CNTNAP4: variants seen among roughly 807,000 people sequenced by gnomAD.
The protein encoded by CNTNAP4 is contactin-associated protein-like 4.
A neutral mutation model predicts 148.4 loss-of-function variants in CNTNAP4; 98 were observed. The ratio of observed to expected loss-of-function variants is 0.66; its 90% CI spans 0.56 to 0.78. CNTNAP4 has a LOEUF of 0.78. Among genes scored for constraint, CNTNAP4 ranks in the 30% least tolerant of loss-of-function variants. The probability of loss-of-function intolerance (pLI) is 0.00; values close to 1 mark genes in which losing one functional copy is unlikely to be tolerated. For missense variants in CNTNAP4, 1,935 were observed against 1,565.6 expected (o/e 1.24, Z -3.98); for synonymous variants, 730 against 565.1 (o/e 1.29, Z -4.14).
chr16:76,413,074 C>A (rs182275130), intron 3 of CNTNAP4, among the ~76,000 whole-genome samples: 367 of 151,458 alleles, frequency 2.4e-3, no homozygotes, highest in African/African-American at 8.4e-3. Flanking sequence ...ATGGGGTTAT[C>A]CATTCCCTCA....
intron 1 of CNTNAP4, among the ~76,000 whole-genome samples, chr16:76,307,468 G>C (rs1335264971): frequency 7.2e-6 from 1 of 138,852 alleles, no homozygotes; most frequent in Admixed American, 7.7e-5. Flanking sequence ...ATTAACTTTT[G>C]ATCCTCTAAT....
chr16:76,397,978 A>T (rs866170086), intron 3 of CNTNAP4, among the ~76,000 whole-genome samples: 1 of 77,196 alleles, frequency 1.3e-5, no homozygotes, highest in African/African-American at 6.6e-5. Context: ...ATATATATAT[A>T]TATATATATA....
At chr16:76,522,780 C>CTTTTCTTTT (rs1184582301) in intron 17 of CNTNAP4, among the ~76,000 whole-genome samples, 3 of 95,848 alleles carry the variant, frequency 3.1e-5, no homozygotes, top group Non-Finnish European at 7.1e-5. Flanking sequence ...TCTTTTCTTT[C>CTTTTCTTTT]TTGACAGAGT....
intron 1 of CNTNAP4, among the ~76,000 whole-genome samples, chr16:76,294,531 A>G (rs1255039178): frequency 6.6e-6 from 1 of 152,202 alleles, no homozygotes; most frequent in Non-Finnish European, 1.5e-5. Flanking sequence ...ATTGACACTG[A>G]TGATTCAGTG....
At chr16:76,489,996 A>G (rs2082156393) in intron 13 of CNTNAP4, 113 bp downstream of exon 13, 5 of 531,512 alleles carry the variant, frequency 9.4e-6, no homozygotes, top group South Asian at 4.9e-5. Context: ...CTGAGGGTAT[A>G]TGATCTCACA....
chr16:76,515,667 G>C (rs1253872715), intron 15 of CNTNAP4, among the ~76,000 whole-genome samples: 2 of 152,166 alleles, frequency 1.3e-5, no homozygotes, highest in Non-Finnish European at 2.9e-5. Context: ...GACGTGGAAG[G>C]AGGTTCAACC....
chr16:76,420,319 T>G lies in CNTNAP4; in HGVS notation c.391-7133T>G, dbSNP rs142008297. On this transcript the variant is annotated intron_variant, in intron 3 of 23. Coordinates refer to ENST00000611870, the MANE Select transcript of CNTNAP4 (RefSeq NM_033401.5). ...TTTAAGAACAGTTTTTGCTGCTATT[T>G]TATTATTTTTTATTGTACGTAGGAC... Among the ~76,000 whole-genome samples, 234 of 151,796 alleles carry G rather than the reference T, an allele frequency of 1.5e-3. 2 individuals are homozygous for G. In the East Asian group the frequency reaches 0.04, roughly 26 times the overall value.
chr16:76,323,010 G>T (rs532265501), intron 2 of CNTNAP4, among the ~76,000 whole-genome samples: 12 of 151,270 alleles, frequency 7.9e-5, no homozygotes, highest in South Asian at 4.2e-4. Context: ...AATTTTTTTT[G>T]TTGTTGTTGT....
At chr16:76,309,731 G>T in intron 1 of CNTNAP4, 1 of 623,716 alleles carries the variant, frequency 1.6e-6, no homozygotes, top group Non-Finnish European at 2.9e-6. Context: ...CCAGGTGGAG[G>T]TAATTGAATT....
intron 2 of CNTNAP4, among the ~76,000 whole-genome samples, chr16:76,331,312 C>T (rs537463241): frequency 6.6e-6 from 1 of 152,010 alleles, no homozygotes. Context: ...CTCAGCCTCC[C>T]GAGTAGCTGG....
At chr16:76,343,659 G>C (rs1964670131) in intron 2 of CNTNAP4, among the ~76,000 whole-genome samples, 1 of 152,036 alleles carries the variant, frequency 6.6e-6, no homozygotes, top group South Asian at 2.1e-4. Context: ...CCCACCAATG[G>C]TTTGTTACAT....
intron 2 of CNTNAP4, among the ~76,000 whole-genome samples, chr16:76,341,419 G>A (rs1015289337): frequency 1.3e-5 from 2 of 152,156 alleles, no homozygotes; most frequent in African/African-American, 4.8e-5. Context: ...TCAAACTAAG[G>A]TAGGGACAAA....
intron 3 of CNTNAP4, among the ~76,000 whole-genome samples, chr16:76,390,597 G>C (rs1555541989): frequency 6.7e-6 from 1 of 150,058 alleles, no homozygotes; most frequent in Non-Finnish European, 1.5e-5. Context: ...AGCCCTGCTT[G>C]TTTTAAGCAG....
chr16:76,309,870 C>T (rs9927750), intron 1 of CNTNAP4: 199,250 of 699,840 alleles, frequency 0.28, 31,957 homozygotes, highest in Non-Finnish European at 0.35. Context: ...CTCTTGCAGC[C>T]GCCATGATTC....
chr16:76,315,979 G>C (rs546774156), intron 1 of CNTNAP4, among the ~76,000 whole-genome samples: 1 of 152,178 alleles, frequency 6.6e-6, no homozygotes, highest in South Asian at 2.1e-4. Flanking sequence ...ACTTTATTTT[G>C]TGTTTTATTT....
intron 7 of CNTNAP4, 26 bp downstream of exon 7, chr16:76,449,884 A>G: frequency 1.3e-6 from 2 of 1,568,902 alleles, no homozygotes; most frequent in Non-Finnish European, 8.6e-7. Flanking sequence ...CGAAGACATT[A>G]GTAAAACTAT....
At chr16:76,479,238 A>G (rs959201805) in intron 11 of CNTNAP4, among the ~76,000 whole-genome samples, 181 bp from the exon 12 acceptor site, 2 of 152,126 alleles carry the variant, frequency 1.3e-5, no homozygotes, top group Non-Finnish European at 2.9e-5. Context: ...TTGCTATCAA[A>G]TCACTTTCAT....
At chr16:76,462,255 G>A (rs959593171) in intron 9 of CNTNAP4, 150 bp downstream of exon 9, 5 of 691,020 alleles carry the variant, frequency 7.2e-6, no homozygotes, top group Middle Eastern at 4.2e-4. Flanking sequence ...GGTGGATCAA[G>A]TCGAAAAATT....
intron 17 of CNTNAP4, among the ~76,000 whole-genome samples, chr16:76,526,505 T>A (rs1259159541): frequency 6.6e-6 from 1 of 152,068 alleles, no homozygotes; most frequent in Non-Finnish European, 1.5e-5. Flanking sequence ...CTCTGAGAGA[T>A]GATGGTGCTG....
Sources: gnomAD v4.1 joint callset for allele counts (sites outside exome capture counted in the v4.1 genomes callset) on GRCh38, gnomAD v4.1.1 for gene constraint, MANE v1.5 for transcripts, NCBI Gene and HGNC (gene_info 2026-07-23, HGNC 2026-07-21) for gene names.